HMGA2: variants seen among roughly 807,000 people sequenced by gnomAD.
HMGA2 encodes the protein high mobility group AT-hook 2.
A neutral mutation model predicts 19.1 loss-of-function variants in HMGA2; 8 were observed. That is an observed-to-expected ratio of 0.42 (90% confidence interval 0.25 to 0.76). The LOEUF is 0.76. HMGA2 is among the 30% of genes least tolerant of loss of function. The pLI, the probability that HMGA2 is intolerant of heterozygous loss-of-function variation, is 0.28. For synonymous variants in HMGA2, 60 were observed against 48.8 expected (o/e 1.23, Z -0.96); for missense variants, 109 against 136.3 (o/e 0.80, Z 1.00).
chr12:65,832,960 C>T (rs1238304920), intron 2 of HMGA2, among the ~76,000 whole-genome samples: 1 of 151,894 alleles, frequency 6.6e-6, no homozygotes, highest in African/African-American at 2.4e-5. Context: ...GATAACTTTG[C>T]CTGTCATTTG....
intron 3 of HMGA2, chr12:65,881,645 A>C: frequency 1.5e-6 from 1 of 645,530 alleles, no homozygotes; most frequent in Non-Finnish European, 2.8e-6. Flanking sequence ...GGAGGGAGGG[A>C]GGGAGAAAGA....
intron 3 of HMGA2, among the ~76,000 whole-genome samples, chr12:65,841,726 A>ATT (rs1201275427): frequency 6.6e-6 from 1 of 152,090 alleles, no homozygotes; most frequent in Non-Finnish European, 1.5e-5. Flanking sequence ...CTTGTGGGAT[A>ATT]TTTTGCTTTG....
intron 4 of HMGA2, chr12:65,956,554 G>A (rs1343446399): frequency 6.6e-6 from 1 of 152,186 alleles, no homozygotes; most frequent in East Asian, 1.9e-4. Context: ...CAGGAATATT[G>A]GCAGGATGAA....
chr12:65,852,979 A>G (rs560044828), intron 3 of HMGA2, among the ~76,000 whole-genome samples: 10 of 152,330 alleles, frequency 6.6e-5, no homozygotes, highest in African/African-American at 2.2e-4. Flanking sequence ...CTAAATGAGA[A>G]GGAAACTTTG....
intron 3 of HMGA2, among the ~76,000 whole-genome samples, chr12:65,931,635 T>C (rs1332598345): frequency 1.3e-5 from 2 of 151,942 alleles, no homozygotes; most frequent in African/African-American, 2.4e-5. Context: ...ATGTACACGG[T>C]ATTTTTAGCA....
intron 3 of HMGA2, among the ~76,000 whole-genome samples, chr12:65,932,731 T>A (rs1227018339): frequency 2.0e-5 from 3 of 152,188 alleles, no homozygotes; most frequent in Admixed American, 6.5e-5. Flanking sequence ...AGTGCTTTTT[T>A]AAATTTTTAA....
At chr12:65,917,541 A>G (rs1295326378) in intron 3 of HMGA2, among the ~76,000 whole-genome samples, 1 of 152,242 alleles carries the variant, frequency 6.6e-6, no homozygotes, top group Non-Finnish European at 1.5e-5. Flanking sequence ...AAGCAGATAT[A>G]GAAACATGGG....
intron 3 of HMGA2, among the ~76,000 whole-genome samples, chr12:65,918,991 G>A (rs1413844320): frequency 6.6e-6 from 1 of 152,112 alleles, no homozygotes; most frequent in African/African-American, 2.4e-5. Flanking sequence ...AAGGGGTACG[G>A]TTCTGATAAA....
At chr12:65,860,651 C>T (rs1872010431) in intron 3 of HMGA2, among the ~76,000 whole-genome samples, 1 of 152,214 alleles carries the variant, frequency 6.6e-6, no homozygotes, top group Non-Finnish European at 1.5e-5. Context: ...GGCTAGGCTA[C>T]TCAGGTCATT....
chr12:65,890,410 T>C (rs927113042), intron 3 of HMGA2, among the ~76,000 whole-genome samples: 4 of 152,228 alleles, frequency 2.6e-5, no homozygotes, highest in African/African-American at 9.6e-5. Context: ...TCATGCTTAC[T>C]TATTCATTAA....
chr12:65,894,116 C>A (rs2121148147), intron 3 of HMGA2, among the ~76,000 whole-genome samples: 1 of 152,182 alleles, frequency 6.6e-6, no homozygotes, highest in East Asian at 1.9e-4. Flanking sequence ...TGGTTGTATG[C>A]CTCTGGTGTT....
chr12:65,860,966 G>A (rs138833394), intron 3 of HMGA2, among the ~76,000 whole-genome samples: 318 of 152,308 alleles, frequency 2.1e-3, no homozygotes, highest in Middle Eastern at 0.01. Context: ...GCCACACATG[G>A]TGTTTGACTT....
intron 3 of HMGA2, among the ~76,000 whole-genome samples, chr12:65,865,609 G>A (rs1872354715): frequency 6.6e-6 from 1 of 151,388 alleles, no homozygotes; most frequent in Admixed American, 6.6e-5. Context: ...TACATTCTAA[G>A]CGTCTGTATC....
chr12:65,919,987 G>A (rs1875245169), intron 3 of HMGA2, among the ~76,000 whole-genome samples: 1 of 152,200 alleles, frequency 6.6e-6, no homozygotes, highest in Non-Finnish European at 1.5e-5. Flanking sequence ...GTTGAATTCT[G>A]GCTCCGGGAA....
intron 3 of HMGA2, among the ~76,000 whole-genome samples, chr12:65,873,571 C>A (rs1468292710): frequency 6.6e-6 from 1 of 152,042 alleles, no homozygotes; most frequent in Non-Finnish European, 1.5e-5. Context: ...ACTTTAATTT[C>A]CCTTATAAAT....
intron 3 of HMGA2, among the ~76,000 whole-genome samples, 175 bp downstream of exon 3, chr12:65,838,744 G>A (rs892046386): frequency 2.6e-5 from 4 of 152,046 alleles, no homozygotes; most frequent in African/African-American, 9.7e-5. Context: ...TAGGCTCCAG[G>A]TGTTTACGTA....
chr12:65,889,105 T>A (rs1198236744), intron 3 of HMGA2, among the ~76,000 whole-genome samples: 8 of 152,212 alleles, frequency 5.3e-5, no homozygotes, highest in Admixed American at 2.0e-4. Context: ...TAAATGTTTC[T>A]TAAAAGAAAT....
At chr12:65,915,176 C>A in intron 3 of HMGA2, 3 of 1,611,212 alleles carry the variant, frequency 1.9e-6, no homozygotes, top group Non-Finnish European at 2.5e-6. Flanking sequence ...TTATTTTCAC[C>A]TTGAGGAATT....
rs574031509 is a variant in HMGA2, at chr12:65,915,324, A to T, written c.250-36059A>T. 4 of 1,399,106 alleles carry T rather than the reference A, an allele frequency of 2.9e-6. No homozygotes were observed. The African/African-American group carries it at 5.8e-5, about 20-fold the overall frequency. 86.7% of individuals were successfully genotyped at this position (1,399,106 alleles called of 1,614,324 possible). ...AGTCTGCATCCCAAGATGTAGTTTC[A>T]CTGCTACCCCATATGGCACCCTTGT... On this transcript the variant is annotated intron_variant, in intron 3 of 4. Transcript: ENST00000403681.
Sources: gnomAD v4.1 joint callset for allele counts (sites outside exome capture counted in the v4.1 genomes callset) on GRCh38, gnomAD v4.1.1 for gene constraint, MANE v1.5 for transcripts, NCBI Gene and HGNC (gene_info 2026-07-23, HGNC 2026-07-21) for gene names.